The following M1AP variants were observed in gnomAD, a reference collection of about 807,000 sequenced individuals.
The protein encoded by M1AP is meiosis 1 arrest protein.
M1AP carries 39 observed loss-of-function variants against 51.2 expected under a neutral mutation model. That is an observed-to-expected ratio of 0.76 (90% CI 0.59 to 1.00). The LOEUF is 1.00. M1AP is among the 50% of genes least tolerant of loss of function. The pLI is 0.00. For synonymous variants in M1AP, 251 were observed against 249.2 expected (o/e 1.01, Z -0.07); for missense variants, 545 against 641.2 (o/e 0.85, Z 1.62).
At chr2:74,636,430 T>C (rs897710034) in intron 2 of M1AP, among the ~76,000 whole-genome samples, 8 of 152,130 alleles carry the variant, frequency 5.3e-5, no homozygotes, top group African/African-American at 1.7e-4. Flanking sequence ...TTTTAATTGA[T>C]GTTTTTAGGT....
At chr2:74,643,324 A>G (rs1486989155) in intron 1 of M1AP, among the ~76,000 whole-genome samples, 7 of 152,210 alleles carry the variant, frequency 4.6e-5, no homozygotes, top group Admixed American at 3.9e-4. Flanking sequence ...CCATGTGGCA[A>G]CATGGATGAT....
At chr2:74,646,275 T>C (rs1368602167) in intron 1 of M1AP, among the ~76,000 whole-genome samples, 6 of 152,078 alleles carry the variant, frequency 3.9e-5, no homozygotes. Flanking sequence ...AACTAGCCGA[T>C]AAAAGGAGCA....
chr2:74,576,079 G>C (rs1679049773), intron 6 of M1AP, among the ~76,000 whole-genome samples: 1 of 152,218 alleles, frequency 6.6e-6, no homozygotes, highest in African/African-American at 2.4e-5. Flanking sequence ...TTAGAGAAAT[G>C]GGAGGGGGCA....
At chr2:74,627,953 C>T (rs1015504053) in intron 2 of M1AP, among the ~76,000 whole-genome samples, 1 of 152,078 alleles carries the variant, frequency 6.6e-6, no homozygotes, top group African/African-American at 2.4e-5. Flanking sequence ...TTGAGATAAA[C>T]TAAGAACATC....
Position 74,562,374 on chromosome 2 carries a change from T to C in M1AP, c.1124A>G (p.His375Arg). Residue 375 changes from histidine (H) to arginine (R), a missense_variant, in exon 8 of 11, where the codon CAC (histidine) becomes CGC (arginine). Coordinates refer to ENST00000421985, the MANE Select transcript of M1AP (RefSeq NM_001321739.2). ...LAKGEPPGPG[H>R]SQRIPASTFY... ...GGTGCTGGCAGGAATTCTCTGGCTG[T>C]GTCCTGGGCCCGGTGGTTCCCCCTT... 1 of 1,614,264 alleles carries C rather than the reference T, an allele frequency of 6.2e-7. No individual in the cohort carries two copies. The highest frequency in any genetic ancestry group is 8.5e-7 in the Non-Finnish European group (1 of 1,180,048).
intron 1 of M1AP, chr2:74,647,189 C>T (rs998484291): frequency 1.0e-5 from 10 of 981,010 alleles, no homozygotes; most frequent in Middle Eastern, 5.2e-4. Context: ...TATCTTTACC[C>T]TGGCCCTAAA....
At chr2:74,603,084 A>C (rs968087129) in intron 4 of M1AP, among the ~76,000 whole-genome samples, 2 of 152,184 alleles carry the variant, frequency 1.3e-5, no homozygotes, top group African/African-American at 4.8e-5. Context: ...ACCCAATGAG[A>C]AGGGCTCTGA....
At chr2:74,588,896 T>C (rs1479549964) in intron 4 of M1AP, among the ~76,000 whole-genome samples, 2 of 152,278 alleles carry the variant, frequency 1.3e-5, no homozygotes, top group East Asian at 1.9e-4. Context: ...ATTAGTTTAC[T>C]GTCTTTTATG....
chr2:74,575,479 T>C lies in M1AP; in HGVS notation c.1033A>G (p.Thr345Ala), dbSNP rs1679004413. The part of the protein sequence containing the change: ...CWQLDWDELE[T>A]NQQHFHALCH... Reference sequence around the variant, plus strand: ...AAAGCATGGAAATGTTGCTGATTTGTCTCCAGCTCATCCCAGTCCAGCTGC... The same window carrying C: ...AAAGCATGGAAATGTTGCTGATTTGCCTCCAGCTCATCCCAGTCCAGCTGC... Residue 345 changes from threonine (T) to alanine (A), a missense_variant, in exon 7 of 11, where the codon ACA becomes GCA. Physicochemically the swap from Thr to Ala is moderately conservative, Grantham distance 58. Coordinates refer to ENST00000421985, the MANE Select transcript of M1AP (RefSeq NM_001321739.2). The C allele has an allele frequency of 1.2e-6, 2 of 1,614,034 alleles. No individual in the cohort carries two copies. The highest frequency in any genetic ancestry group is 1.7e-6 in the Non-Finnish European group (2 of 1,180,022).
intron 10 of M1AP, 22 bp from the exon 11 acceptor site, chr2:74,558,896 C>A (rs765380093): frequency 6.4e-7 from 1 of 1,564,828 alleles, no homozygotes; most frequent in Non-Finnish European, 8.6e-7. Flanking sequence ...GCAACCAGAG[C>A]CTTCTCTGAA....
intron 9 of M1AP, 40 bp from the exon 10 acceptor site, chr2:74,559,749 TATC>T: frequency 2.8e-6 from 2 of 718,008 alleles, no homozygotes; most frequent in South Asian, 3.0e-5. Flanking sequence ...AGCAAGCACT[TATC>T]ATAAAACCTG....
At chr2:74,613,549 C>T (rs112092757) in intron 3 of M1AP, among the ~76,000 whole-genome samples, 2 of 152,140 alleles carry the variant, frequency 1.3e-5, no homozygotes, top group African/African-American at 4.8e-5. Flanking sequence ...TTGAGTATTC[C>T]TTTCTGCTAC....
At chr2:74,586,015 A>G (rs1679684234) in intron 4 of M1AP, among the ~76,000 whole-genome samples, 1 of 152,136 alleles carries the variant, frequency 6.6e-6, no homozygotes. Context: ...TCATTATTCT[A>G]CAAGTACCCT....
intron 2 of M1AP, among the ~76,000 whole-genome samples, chr2:74,617,812 A>G (rs759460876): frequency 3.3e-5 from 5 of 152,234 alleles, no homozygotes; most frequent in African/African-American, 4.8e-5. Flanking sequence ...AAGTAAAAAC[A>G]TTATAATAAA....
chr2:74,640,382 G>A (rs1377791771), intron 1 of M1AP, 55 bp from the exon 2 acceptor site: 2 of 1,402,388 alleles, frequency 1.4e-6, no homozygotes, highest in Non-Finnish European at 1.9e-6. Flanking sequence ...TGTGTGCTCT[G>A]TTGAAATATA....
chr2:74,623,887 G>T (rs1228008933), intron 2 of M1AP, among the ~76,000 whole-genome samples: 1 of 152,058 alleles, frequency 6.6e-6, no homozygotes, highest in Admixed American at 6.5e-5. Context: ...GCCCAGGCTG[G>T]TCTCGAACTC....
At chr2:74,637,589 CA>C (rs1683057284) in intron 2 of M1AP, among the ~76,000 whole-genome samples, 1 of 152,168 alleles carries the variant, frequency 6.6e-6, no homozygotes, top group African/African-American at 2.4e-5. Context: ...TACCTGGAAA[CA>C]GTTTGACACT....
chr2:74,581,939 C>A, intron 4 of M1AP, 92 bp from the exon 5 acceptor site: 1 of 1,190,310 alleles, frequency 8.4e-7, no homozygotes. Context: ...TTTTTTGAGA[C>A]GGGGGTCTCA....
chr2:74,644,929 A>G (rs1181588787), intron 1 of M1AP, among the ~76,000 whole-genome samples: 1 of 152,084 alleles, frequency 6.6e-6, no homozygotes, highest in East Asian at 1.9e-4. Context: ...ATCCATCTCC[A>G]TCTCTCACAT....
Sources: gnomAD v4.1 joint callset for allele counts (sites outside exome capture counted in the v4.1 genomes callset) on GRCh38, gnomAD v4.1.1 for gene constraint, MANE v1.5 for transcripts, NCBI Gene and HGNC (gene_info 2026-07-23, HGNC 2026-07-21) for gene names.